GPR19: variants seen among roughly 807,000 people sequenced by gnomAD.
GPR19 encodes the protein probable G protein-coupled receptor 19.
In GPR19, 14 loss-of-function variants were observed where a neutral mutation model predicts 28.5. That is an observed-to-expected ratio of 0.49 (90% confidence interval 0.32 to 0.77). GPR19 has a LOEUF of 0.77. Among genes scored for constraint, GPR19 ranks in the 30% least tolerant of loss-of-function variants. The probability of loss-of-function intolerance (pLI) is 0.03; values close to 1 mark genes in which losing one functional copy is unlikely to be tolerated. For missense variants in GPR19, 409 were observed against 504.1 expected (o/e 0.81, Z 1.81); for synonymous variants, 173 against 184.1 (o/e 0.94, Z 0.49).
At chr12:12,664,121 T>C (rs1048986207) in intron 3 of GPR19, among the ~76,000 whole-genome samples, 1 of 152,092 alleles carries the variant, frequency 6.6e-6, no homozygotes, top group Admixed American at 6.5e-5. Context: ...TCTCGAGTAG[T>C]TGGGACTAGA....
chr12:12,686,217 A>C (rs1422931713), intron 2 of GPR19, among the ~76,000 whole-genome samples: 3 of 152,234 alleles, frequency 2.0e-5, no homozygotes, highest in Non-Finnish European at 4.4e-5. Context: ...TTGTAAGCAA[A>C]GAGGTGGCAC....
intron 3 of GPR19, among the ~76,000 whole-genome samples, chr12:12,675,835 C>G (rs1400320940): frequency 6.6e-6 from 1 of 152,142 alleles, no homozygotes; most frequent in Non-Finnish European, 1.5e-5. Context: ...CTCAGAGCCT[C>G]TAAAAAGGAT....
intron 3 of GPR19, among the ~76,000 whole-genome samples, chr12:12,665,003 C>G (rs1945747187): frequency 6.6e-6 from 1 of 150,602 alleles, no homozygotes; most frequent in Non-Finnish European, 1.5e-5. Context: ...GGACTGCACC[C>G]TCATACATAT....
chr12:12,673,128 A>C (rs767261488), intron 3 of GPR19, among the ~76,000 whole-genome samples: 1 of 152,240 alleles, frequency 6.6e-6, no homozygotes, highest in Non-Finnish European at 1.5e-5. Context: ...CTGCCTCTTA[A>C]GAGGCTAAAA....
Position 12,661,551 on chromosome 12 carries a change from G to T in GPR19, c.898C>A (p.Pro300Thr). ...CTTTTCTTATAGTCTTGTTCATGGG[G>T]GTGCCATAGCTGAGCTACATGAAAA... ...LPFHVAQLWH[P>T]HEQDYKKSSL... Residue 300 changes from proline to threonine, a missense_variant, in exon 4 of 4, where the codon CCC (proline) becomes ACC (threonine). Physicochemically the swap from Pro to Thr is conservative, Grantham distance 38 (BLOSUM62 -1). Transcript: ENST00000651487. The surrounding 1 kb of genome is among the most constrained non-coding windows in gnomAD (Gnocchi z 4.2). The T allele has an allele frequency of 1.2e-6, 2 of 1,613,618 alleles. No individual in the cohort carries two copies. The highest frequency in any genetic ancestry group is 1.7e-6 in the Non-Finnish European group (2 of 1,179,552).
At chr12:12,673,817 G>A (rs1025630073) in intron 3 of GPR19, among the ~76,000 whole-genome samples, 1 of 152,134 alleles carries the variant, frequency 6.6e-6, no homozygotes, top group Non-Finnish European at 1.5e-5. Context: ...AAAATTCATC[G>A]CAGGTTTCAG....
chr12:12,712,461 G>A, the GPR19 span, among the ~76,000 whole-genome samples: 3 of 152,264 alleles, frequency 2.0e-5, no homozygotes, highest in Admixed American at 1.3e-4. Flanking sequence ...CAGTACTTAC[G>A]GAGCAACAGA....
chr12:12,671,816 G>A (rs546808934), intron 3 of GPR19, among the ~76,000 whole-genome samples: 6 of 152,246 alleles, frequency 3.9e-5, no homozygotes, highest in Admixed American at 3.9e-4. Flanking sequence ...ATCCTTTAAA[G>A]TGAAGATCCC....
intron 2 of GPR19, among the ~76,000 whole-genome samples, chr12:12,690,138 T>G (rs1946163069): frequency 6.6e-6 from 1 of 152,256 alleles, no homozygotes; most frequent in Non-Finnish European, 1.5e-5. Flanking sequence ...AACTTGATAT[T>G]ATTCTTCCAA....
intron 2 of GPR19, among the ~76,000 whole-genome samples, chr12:12,687,117 T>C (rs1196031134): frequency 6.6e-6 from 1 of 152,214 alleles, no homozygotes; most frequent in East Asian, 1.9e-4. Flanking sequence ...ATTTTGAACA[T>C]GAGTAATGTG....
intron 2 of GPR19, among the ~76,000 whole-genome samples, chr12:12,691,879 T>C (rs1428818257): frequency 6.6e-6 from 1 of 152,228 alleles, no homozygotes; most frequent in African/African-American, 2.4e-5. Context: ...GTCCCATTAC[T>C]TTTTCTGGTC....
chr12:12,675,821 C>G (rs539775892), intron 3 of GPR19, among the ~76,000 whole-genome samples: 2 of 152,290 alleles, frequency 1.3e-5, no homozygotes, highest in South Asian at 4.1e-4. Context: ...GAAGGGCAGT[C>G]AACCTCAGAG....
chr12:12,683,741 A>C lies in GPR19; in HGVS notation c.-23+610T>G, dbSNP rs115930531. On this transcript the variant is annotated intron_variant, in intron 3 of 3. Transcript: ENST00000651487. ...ACATGAAAATTTGAGTTCACGGCTG[A>C]TTATTTTAGCCTGTAACTTTGGTAG... Among the ~76,000 whole-genome samples, 774 of 152,334 alleles carry C rather than the reference A, an allele frequency of 5.1e-3. 7 individuals carry two copies. Among genetic ancestry groups the C allele is most frequent in the African/African-American group, 0.018 (735 of 41,572 alleles).
intron 2 of GPR19, 145 bp from the exon 3 acceptor site, chr12:12,684,652 G>A (rs1592264844): frequency 6.6e-6 from 1 of 152,150 alleles, no homozygotes; most frequent in Non-Finnish European, 1.5e-5. Context: ...TGGCTGAAGG[G>A]GAGAATGTGG....
At chr12:12,670,105 G>A (rs1248281201) in intron 3 of GPR19, among the ~76,000 whole-genome samples, 5 of 152,174 alleles carry the variant, frequency 3.3e-5, no homozygotes, top group Non-Finnish European at 1.5e-5. Flanking sequence ...ATGACTGTGT[G>A]GGGTAACAGG....
Position 12,661,124 on chromosome 12 carries a change from C to T in GPR19, c.*77G>A. The T allele has an allele frequency of 2.9e-6, 3 of 1,023,942 alleles. No individual in the cohort carries two copies. The highest frequency in any genetic ancestry group is 4.2e-6 in the Non-Finnish European group (3 of 717,470). The allele number at this position is 1,023,942 out of a possible 1,614,324, so 63.4% of individuals were successfully genotyped here. On this transcript the variant is annotated 3_prime_UTR_variant, in exon 4 of 4. Coordinates refer to ENST00000651487, the MANE Select transcript of GPR19 (RefSeq NM_006143.3). The surrounding 1 kb of genome is among the most constrained non-coding windows in gnomAD (Gnocchi z 4.2). ...TTTCCCTTGGAAAGTTGAGTGAAAACAAATATGTAAATAGCTTCTGTTTTT... is the reference window on the plus strand; with the variant it reads ...TTTCCCTTGGAAAGTTGAGTGAAAATAAATATGTAAATAGCTTCTGTTTTT...
In GPR19 at chr12:12,684,514, G is replaced by C. The variant is rs1414671959; in HGVS notation, c.-179-7C>G. ...TTGGCTCACAGCCTGCTTCCTGTTA[G>C]GGAGACAAGATGACGCTGTGCAGGG... On this transcript the variant is annotated splice_region_variant and splice_polypyrimidine_tract_variant and intron_variant, in intron 2 of 3. Coordinates refer to ENST00000651487, the MANE Select transcript of GPR19 (RefSeq NM_006143.3). 6.6e-6 allele frequency: 1 copy of C among 152,232 alleles called. No homozygotes were observed. Among genetic ancestry groups the C allele is most frequent in the East Asian group, 1.9e-4 (1 of 5,192 alleles). The allele number at this position is 152,232 out of a possible 1,614,324, so 9.4% of individuals were successfully genotyped here.
chr12:12,697,878 G>T (rs572140282), upstream of GPR19, among the ~76,000 whole-genome samples: 1 of 152,236 alleles, frequency 6.6e-6, no homozygotes, highest in Non-Finnish European at 1.5e-5. Context: ...ATTATCTAGA[G>T]GTACTCTGAC....
At chr12:12,707,218 T>C in the GPR19 span, among the ~76,000 whole-genome samples, 1 of 152,240 alleles carries the variant, frequency 6.6e-6, no homozygotes, top group Admixed American at 6.5e-5. Context: ...CTCATTCCAT[T>C]CAGGATTCTA....
Sources: gnomAD v4.1 joint callset for allele counts (sites outside exome capture counted in the v4.1 genomes callset) on GRCh38, gnomAD v4.1.1 for gene constraint, Gnocchi (gnomAD v3.1) non-coding constraint, MANE v1.5 for transcripts, NCBI Gene and HGNC (gene_info 2026-07-23, HGNC 2026-07-21) for gene names.